The following PARP1 variants were observed in gnomAD, a reference collection of about 807,000 sequenced individuals.
The protein encoded by PARP1 is poly [ADP-ribose] polymerase 1.
A neutral mutation model predicts 118.7 loss-of-function variants in PARP1; 44 were observed. That is an observed-to-expected ratio of 0.37 (90% CI 0.29 to 0.48). PARP1 has a LOEUF of 0.48. PARP1 is among the 20% of genes least tolerant of loss of function. PARP1 has a pLI of 0.99. For missense variants in PARP1, 1,100 were observed against 1,272.4 expected, an observed-to-expected ratio of 0.86 and a Z score of 2.06; for synonymous variants, 492 against 483.2, an observed-to-expected ratio of 1.02 and a Z score of -0.24.
chr1:226,399,052 T>C (rs1385258222), intron 2 of PARP1, among the ~76,000 whole-genome samples: 1 of 149,422 alleles, frequency 6.7e-6, no homozygotes, highest in Non-Finnish European at 1.5e-5. Flanking sequence ...GAGCTATCAA[T>C]ACGACAAGAC....
chr1:226,394,358 C>CA (rs111598981), intron 2 of PARP1, among the ~76,000 whole-genome samples: 15 of 151,730 alleles, frequency 9.9e-5, no homozygotes, highest in African/African-American at 3.6e-4. Flanking sequence ...ACCCTGACTC[C>CA]AAAAAAAGGA....
intron 2 of PARP1, among the ~76,000 whole-genome samples, chr1:226,397,378 T>C (rs575441535): frequency 1.3e-5 from 2 of 152,258 alleles, no homozygotes; most frequent in South Asian, 4.2e-4. Context: ...ATTTACTTTT[T>C]AAAATTCCCA....
At chr1:226,406,995 A>C (rs2102749646) in intron 1 of PARP1, among the ~76,000 whole-genome samples, 1 of 152,332 alleles carries the variant, frequency 6.6e-6, no homozygotes, top group African/African-American at 2.4e-5. Context: ...GAGAACCAGA[A>C]TTATTAATAC....
intron 19 of PARP1, 48 bp downstream of exon 19, chr1:226,364,954 A>T: frequency 6.2e-7 from 1 of 1,606,426 alleles, no homozygotes; most frequent in South Asian, 1.1e-5. Context: ...TTATGGAGAC[A>T]CCTGCAGAGA....
rs56006339 is a variant in PARP1 at position 226,367,345 on chromosome 1, G to C, written c.2406+135C>G. ...AGCAGCAATGTCCGGGAACTTGTTA[G>C]AAAAGTGAATTATTGGGCGCCAGCC... On this transcript the variant is annotated intron_variant, in intron 17 of 22. Coordinates refer to ENST00000366794, the MANE Select transcript of PARP1 (RefSeq NM_001618.4). 50 of 1,102,756 alleles carry C rather than the reference G, an allele frequency of 4.5e-5. 1 individual carries two copies. In the South Asian group the frequency reaches 5.3e-4, roughly 12 times the overall value. The allele number at this position is 1,102,756 out of a possible 1,614,324, so 68.3% of individuals were successfully genotyped here.
intron 15 of PARP1, among the ~76,000 whole-genome samples, chr1:226,370,012 G>A (rs1321091535): frequency 6.7e-6 from 1 of 149,468 alleles, no homozygotes; most frequent in Non-Finnish European, 1.5e-5. Flanking sequence ...ATCTCAGGAT[G>A]CGAGACCCAC....
rs1664555192 is a variant in PARP1 at position 226,379,261 on chromosome 1, A to C, written c.1626T>G (p.Ser542=). 6.2e-7 allele frequency: 1 copy of C among 1,614,106 alleles called. No individual in the cohort carries two copies. The highest frequency in any genetic ancestry group is 8.5e-7 in the Non-Finnish European group (1 of 1,180,032). ...AVDPDSGLEH[S]AHVLEKGGKV... Reference sequence around the variant, plus strand: ...TCCCACCTTTCTCCAGGACATGCGCAGAGTGTTCCAGTCCTGTCCCAGAGG... The same window carrying C: ...TCCCACCTTTCTCCAGGACATGCGCCGAGTGTTCCAGTCCTGTCCCAGAGG... Residue 542 remains serine (S), a synonymous_variant, in exon 12 of 23, where the codon TCT becomes TCG. Transcript: ENST00000366794.
intron 5 of PARP1, among the ~76,000 whole-genome samples, chr1:226,388,391 G>A (rs1048243305): frequency 2.6e-5 from 4 of 152,232 alleles, no homozygotes; most frequent in African/African-American, 7.2e-5. Flanking sequence ...TGAGGCTGGT[G>A]AGCGGAAACA....
Position 226,392,220 on chromosome 1 carries a change from C to A in PARP1, c.381G>T (p.Gly127=). 6.2e-6 allele frequency: 10 copies of A among 1,612,414 alleles called. No individual in the cohort carries two copies. The highest frequency in any genetic ancestry group is 2.2e-5 in the East Asian group (1 of 44,876). Residue 127 remains glycine, a synonymous_variant, in exon 3 of 23, where the codon GGG becomes GGT. Coordinates refer to ENST00000366794, the MANE Select transcript of PARP1 (RefSeq NM_001618.4). Reference sequence around the variant, plus strand: ...TTACCTTTTCTATCTTCTCCATACACCCCTTGCACGTACTTCTGTTGGACT... The same window carrying A: ...TTACCTTTTCTATCTTCTCCATACAACCCTTGCACGTACTTCTGTTGGACT... ...YAKSNRSTCK[G]CMEKIEKGQV...
intron 13 of PARP1, among the ~76,000 whole-genome samples, chr1:226,375,705 A>C (rs982498378): frequency 1.3e-5 from 2 of 152,240 alleles, no homozygotes; most frequent in African/African-American, 4.8e-5. Context: ...AAATAATGCC[A>C]AGATTAATTT....
At chr1:226,376,200 C>T (rs1463576566) in intron 13 of PARP1, among the ~76,000 whole-genome samples, 1 of 152,166 alleles carries the variant, frequency 6.6e-6, no homozygotes, top group African/African-American at 2.4e-5. Context: ...AAAATCTCTA[C>T]CCACCTACAG....
chr1:226,383,245 C>A lies in PARP1; in HGVS notation c.1012-62G>T. ...TCCCTTGAGGTAACCACCCCATAGA[C>A]CAAAGAGGATTTGGCTTGTCCAAAT... On this transcript the variant is annotated intron_variant, in intron 7 of 22. Transcript: ENST00000366794. The A allele has an allele frequency of 2.2e-6, 3 of 1,348,012 alleles. No homozygotes were observed. The East Asian group carries it at 6.9e-5, about 31-fold the overall frequency. The allele number at this position is 1,348,012 out of a possible 1,614,324, so 83.5% of individuals were successfully genotyped here. A position where few individuals can be genotyped will look rare whatever the true frequency, so the allele number is the denominator to read the frequency against.
chr1:226,382,433 C>T lies in PARP1; in HGVS notation c.1159+603G>A, dbSNP rs3219067. Among the ~76,000 whole-genome samples, 1,004 of 152,278 alleles carry T rather than the reference C, an allele frequency of 6.6e-3. 14 individuals are homozygous for T. The highest frequency in any genetic ancestry group is 0.023 in the African/African-American group (953 of 41,552). On this transcript the variant is annotated intron_variant, in intron 8 of 22. Coordinates refer to ENST00000366794, the MANE Select transcript of PARP1 (RefSeq NM_001618.4). ...CTCTGCAGTGCAGTCAGGCAGGAGA[C>T]CCTGCGCCCAACTCCAGGTAAGGCT...
At chr1:226,375,732 T>C (rs1183849752) in intron 13 of PARP1, among the ~76,000 whole-genome samples, 1 of 152,224 alleles carries the variant, frequency 6.6e-6, no homozygotes, top group Non-Finnish European at 1.5e-5. Flanking sequence ...CTTCTTGCTT[T>C]TTAAAATGTG....
At chr1:226,361,762 T>C in intron 22 of PARP1, 2 of 663,076 alleles carry the variant, frequency 3.0e-6, no homozygotes, top group South Asian at 3.4e-5. Context: ...GGAGAGGAGA[T>C]CATCCTCTGG....
chr1:226,374,923 T>C lies in PARP1; in HGVS notation c.1942-569A>G, dbSNP rs3219103. On this transcript the variant is annotated intron_variant, in intron 13 of 22. Coordinates refer to ENST00000366794, the MANE Select transcript of PARP1 (RefSeq NM_001618.4). ...TTAGCTGTCCGTCCTCTTCCTAAGCTGCCTAATAGACTATTGAGACTCCAC... is the reference window on the plus strand; with the variant it reads ...TTAGCTGTCCGTCCTCTTCCTAAGCCGCCTAATAGACTATTGAGACTCCAC... Among the ~76,000 whole-genome samples, 219 of 152,350 alleles carry C rather than the reference T, an allele frequency of 1.4e-3. 10 individuals are homozygous for C. The East Asian group carries it at 0.037, about 26-fold the overall frequency.
At position 226,383,081 on chromosome 1, in the gene PARP1, A is replaced by G. The variant is rs200129594; in HGVS notation, c.1114T>C (p.Ser372Pro). Residue 372 changes from serine to proline, a missense_variant, in exon 8 of 23, where the codon TCC becomes CCC. Physicochemically the swap from Ser to Pro is moderately conservative, Grantham distance 74 (BLOSUM62 -1). This residue lies in a region of PARP1 where 948 missense variants were observed against 1,031.8 expected (regional missense o/e 0.92). Coordinates refer to ENST00000366794, the MANE Select transcript of PARP1 (RefSeq NM_001618.4). ...ACAGCAGCAGGAGCCGAGGCTGTGG[A>G]GGGCGGAGGCGTGGCCGCCACGGAG... ...SASVAATPPP[S>P]TASAPAAVNS... The G allele has an allele frequency of 3.6e-5, 58 of 1,613,008 alleles. 1 individual carries two copies. In the Middle Eastern group the frequency reaches 1.4e-3, roughly 38 times the overall value.
intron 2 of PARP1, among the ~76,000 whole-genome samples, chr1:226,398,158 T>TTA (rs1269118316): frequency 1.3e-5 from 2 of 152,110 alleles, no homozygotes; most frequent in Non-Finnish European, 2.9e-5. Context: ...AAGTAACTGA[T>TTA]TAACTAGACT....
intron 5 of PARP1, 103 bp downstream of exon 5, chr1:226,388,552 AG>A: frequency 1.2e-6 from 1 of 815,116 alleles, no homozygotes; most frequent in Non-Finnish European, 2.2e-6. Context: ...AATTTGCTAA[AG>A]GTCTTAATAA....
Sources: allele counts gnomAD v4.1 joint callset (sites outside exome capture counted in the v4.1 genomes callset), GRCh38; gene constraint gnomAD v4.1.1; regional missense constraint gnomAD v4.1.1; transcripts MANE v1.5; gene names NCBI Gene and HGNC (gene_info 2026-07-23, HGNC 2026-07-21).